Variants in DNM3 observed in about 807,000 individuals in gnomAD.
DNM3 encodes dynamin 3.
A neutral mutation model predicts 101.6 loss-of-function variants in DNM3; 47 were observed. That is an observed-to-expected ratio of 0.46 (90% CI 0.37 to 0.59). DNM3 has a LOEUF of 0.59. Ranked by LOEUF, DNM3 falls within the 20% of genes least tolerant of loss-of-function variation. The probability of loss-of-function intolerance (pLI) is 0.00; values close to 1 mark genes in which losing one functional copy is unlikely to be tolerated. For missense variants in DNM3, 849 were observed against 1,085.7 expected (o/e 0.78, Z 3.06); for synonymous variants, 385 against 387.9 (o/e 0.99, Z 0.09).
At chr1:172,225,989 C>T (rs2061104221) in intron 14 of DNM3, among the ~76,000 whole-genome samples, 1 of 152,044 alleles carries the variant, frequency 6.6e-6, no homozygotes, top group African/African-American at 2.4e-5. Context: ...TTTATAGTTA[C>T]ACAGTGTACT....
chr1:171,853,348 G>A (rs2033200058), intron 1 of DNM3, among the ~76,000 whole-genome samples: 1 of 150,212 alleles, frequency 6.7e-6, no homozygotes, highest in South Asian at 2.1e-4. Flanking sequence ...ATTATTTTTT[G>A]TAGACACAGG....
intron 17 of DNM3, among the ~76,000 whole-genome samples, chr1:172,364,747 G>A (rs1395385884): frequency 6.6e-6 from 1 of 151,854 alleles, no homozygotes; most frequent in Non-Finnish European, 1.5e-5. Context: ...GAATGTTTCA[G>A]CATCATCTCC....
intron 14 of DNM3, among the ~76,000 whole-genome samples, chr1:172,151,397 T>G (rs1309129614): frequency 6.6e-6 from 1 of 152,206 alleles, no homozygotes; most frequent in Non-Finnish European, 1.5e-5. Context: ...GAGCTGTCAC[T>G]GAATGCATTT....
chr1:172,196,690 C>A (rs550631573), intron 14 of DNM3, among the ~76,000 whole-genome samples: 1 of 151,872 alleles, frequency 6.6e-6, no homozygotes, highest in African/African-American at 2.4e-5. Flanking sequence ...GTTTATTGAC[C>A]AGATGTATGT....
At chr1:172,391,713 A>AT (rs549085021) in intron 20 of DNM3, among the ~76,000 whole-genome samples, 73 of 149,532 alleles carry the variant, frequency 4.9e-4, no homozygotes, top group South Asian at 4.7e-3. Context: ...AGGAAGTTTG[A>AT]TTTTTTTTTT....
downstream of DNM3, among the ~76,000 whole-genome samples, chr1:172,413,218 C>T (rs2071305884): frequency 6.6e-6 from 1 of 152,004 alleles, no homozygotes; most frequent in Admixed American, 6.6e-5. Context: ...TTTCAGTTTC[C>T]CCAGTTTTTT....
intron 13 of DNM3, 54 bp downstream of exon 13, chr1:172,092,929 A>C: frequency 6.8e-7 from 1 of 1,465,456 alleles, no homozygotes; most frequent in Non-Finnish European, 9.2e-7. Context: ...ATTTGAACTA[A>C]ATCGCTTGAT....
At chr1:172,320,046 G>A (rs1000582657) in intron 16 of DNM3, among the ~76,000 whole-genome samples, 128 of 151,576 alleles carry the variant, frequency 8.4e-4, no homozygotes, top group African/African-American at 2.8e-3. Flanking sequence ...GGAATACTAC[G>A]CAGCCATAAA....
intron 17 of DNM3, among the ~76,000 whole-genome samples, chr1:172,335,212 G>C (rs2066366397): frequency 6.6e-6 from 1 of 152,098 alleles, no homozygotes; most frequent in Non-Finnish European, 1.5e-5. Flanking sequence ...GACAGTCGAA[G>C]CTAAACCCAA....
chr1:172,404,040 A>AGTT (rs2070704075), intron 20 of DNM3, among the ~76,000 whole-genome samples: 1 of 152,268 alleles, frequency 6.6e-6, no homozygotes, highest in African/African-American at 2.4e-5. Context: ...TTTCTAGTAC[A>AGTT]GTTGTATATA....
chr1:172,350,517 A>C (rs931877226), intron 17 of DNM3, among the ~76,000 whole-genome samples: 6 of 152,176 alleles, frequency 3.9e-5, no homozygotes, highest in Non-Finnish European at 8.8e-5. Context: ...CAGAGGAAGA[A>C]AGGAAATTCT....
chr1:172,180,458 A>G (rs1043981394), intron 14 of DNM3, among the ~76,000 whole-genome samples: 3 of 152,124 alleles, frequency 2.0e-5, no homozygotes, highest in Non-Finnish European at 4.4e-5. Flanking sequence ...ATTCTGATAG[A>G]TAAATAGTCT....
chr1:172,261,250 A>G (rs1208385997), intron 15 of DNM3, among the ~76,000 whole-genome samples: 1 of 152,054 alleles, frequency 6.6e-6, no homozygotes, highest in East Asian at 1.9e-4. Context: ...GCTTCTTCTA[A>G]TTTGTTTGAA....
intron 2 of DNM3, among the ~76,000 whole-genome samples, chr1:171,974,037 A>G (rs2044205421): frequency 6.6e-6 from 1 of 151,976 alleles, no homozygotes; most frequent in African/African-American, 2.4e-5. Flanking sequence ...TACTGTAGGC[A>G]TGGCTGACTC....
chr1:171,956,054 A>G (rs1240452981), intron 2 of DNM3, among the ~76,000 whole-genome samples: 2 of 152,132 alleles, frequency 1.3e-5, no homozygotes, highest in African/African-American at 4.8e-5. Flanking sequence ...GGGAGCTACA[A>G]TTCAAGATGA....
rs1358604449 is a variant in DNM3 at position 172,253,696 on chromosome 1, A to G, written c.1769+14A>G. On this transcript the variant is annotated intron_variant, in intron 15 of 20. Transcript: ENST00000627582. ...TACAGAGCAAAGGTAAGAAATTGAAACAGTTCCTGTCTTCAGATTTTTTTC... is the reference window on the plus strand; with the variant it reads ...TACAGAGCAAAGGTAAGAAATTGAAGCAGTTCCTGTCTTCAGATTTTTTTC... 1.3e-6 allele frequency: 2 copies of G among 1,515,782 alleles called. No individual in the cohort carries two copies. The highest frequency in any genetic ancestry group is 1.8e-6 in the Non-Finnish European group (2 of 1,123,278). The allele number at this position is 1,515,782 out of a possible 1,614,324, so 93.9% of individuals were successfully genotyped here. A position where few individuals can be genotyped will look rare whatever the true frequency, so the allele number is the denominator to read the frequency against.
rs766869955 is a variant in DNM3, at chr1:172,068,807, T to C, written c.1336-12T>C. On this transcript the variant is annotated splice_polypyrimidine_tract_variant and intron_variant, in intron 10 of 20. Coordinates refer to ENST00000627582, the MANE Select transcript of DNM3 (RefSeq NM_015569.5). ...TTTGAGTATTAATACTCAGATCTGC[T>C]TTTCTTGACAGCTGGCAAACTTCCC... The C allele has an allele frequency of 6.4e-7, 1 of 1,561,500 alleles. No homozygotes were observed. Among genetic ancestry groups the C allele is most frequent in the Non-Finnish European group, 8.7e-7 (1 of 1,151,954 alleles).
rs1171821643 is a variant in DNM3 at position 172,407,968 on chromosome 1, A to G, written c.*127A>G. 6.4e-7 allele frequency: 1 copy of G among 1,559,704 alleles called. No homozygotes were observed. The highest frequency in any genetic ancestry group is 2.3e-5 in the East Asian group (1 of 43,534). ...CAGTAGGCAAGTAACCAGTTTTACT[A>G]ATGCATTCATCGCTCATCTTCATTG... On this transcript the variant is annotated 3_prime_UTR_variant, in exon 21 of 21. Transcript: ENST00000627582.
At chr1:172,256,844 T>A (rs558094873) in intron 15 of DNM3, among the ~76,000 whole-genome samples, 33 of 152,026 alleles carry the variant, frequency 2.2e-4, no homozygotes, top group Non-Finnish European at 4.3e-4. Flanking sequence ...AGCTGCTTAC[T>A]ACAATTTTTG....
Sources: allele counts gnomAD v4.1 joint callset (sites outside exome capture counted in the v4.1 genomes callset), GRCh38; gene constraint gnomAD v4.1.1; transcripts MANE v1.5; gene names NCBI Gene and HGNC (gene_info 2026-07-23, HGNC 2026-07-21).